VPS45: variants seen among roughly 807,000 people sequenced by gnomAD.
The protein encoded by VPS45 is vacuolar protein sorting 45 homolog.
A neutral mutation model predicts 75.9 loss-of-function variants in VPS45; 35 were observed. That is an observed-to-expected ratio of 0.46 (90% confidence interval 0.35 to 0.61). VPS45 has a LOEUF of 0.61. VPS45 is among the 20% of genes least tolerant of loss of function. The probability of loss-of-function intolerance (pLI) is 0.00; values close to 1 mark genes in which losing one functional copy is unlikely to be tolerated. For missense variants in VPS45, 559 were observed against 685.9 expected (o/e 0.81, Z 2.07); for synonymous variants, 220 against 238.2 (o/e 0.92, Z 0.70).
intron 7 of VPS45, among the ~76,000 whole-genome samples, chr1:150,080,149 G>T (rs1423675186): frequency 6.9e-5 from 10 of 145,428 alleles, no homozygotes; most frequent in African/African-American, 1.0e-4. Context: ...TTTGTTGTAC[G>T]TTTTTTTTTT....
At position 150,145,045 on chromosome 1, in the gene VPS45, T is replaced by A; in HGVS notation, c.*249T>A. On this transcript the variant is annotated 3_prime_UTR_variant, in exon 15 of 15. Transcript: ENST00000644510. Reference sequence around the variant, plus strand: ...GTATCTGTTAGCACAATCACTTCAGTTACTGATGAATTTTGTTGGGATCTG... The same window carrying A: ...GTATCTGTTAGCACAATCACTTCAGATACTGATGAATTTTGTTGGGATCTG... 1 of 969,192 alleles carries A rather than the reference T, an allele frequency of 1.0e-6. No homozygotes were observed. Among genetic ancestry groups the A allele is most frequent in the Non-Finnish European group, 1.5e-6 (1 of 667,460 alleles). 60.0% of individuals were successfully genotyped at this position (969,192 alleles called of 1,614,324 possible). A position where few individuals can be genotyped will look rare whatever the true frequency, so the allele number is the denominator to read the frequency against.
intron 12 of VPS45, among the ~76,000 whole-genome samples, chr1:150,093,081 T>C (rs2101569067): frequency 6.6e-6 from 1 of 152,012 alleles, no homozygotes; most frequent in African/African-American, 2.4e-5. Flanking sequence ...CTCCTGACCT[T>C]GTGATCTGCC....
intron 14 of VPS45, among the ~76,000 whole-genome samples, chr1:150,122,211 C>T (rs1658271272): frequency 6.6e-6 from 1 of 152,120 alleles, no homozygotes; most frequent in South Asian, 2.1e-4. Flanking sequence ...ATCCCAGCTA[C>T]ATGGGAGGCT....
At chr1:150,102,470 A>G (rs986771981) in intron 13 of VPS45, among the ~76,000 whole-genome samples, 4 of 150,784 alleles carry the variant, frequency 2.7e-5, no homozygotes, top group African/African-American at 9.8e-5. Flanking sequence ...GACTGCTTGA[A>G]CCTGGGAGGC....
chr1:150,088,893 C>T (rs1261655129), intron 10 of VPS45, among the ~76,000 whole-genome samples: 1 of 152,156 alleles, frequency 6.6e-6, no homozygotes, highest in African/African-American at 2.4e-5. Context: ...AGCTCTTCAA[C>T]ATACTGATTT....
intron 14 of VPS45, among the ~76,000 whole-genome samples, chr1:150,119,687 G>A (rs587648286): frequency 6.6e-6 from 1 of 152,300 alleles, no homozygotes. Flanking sequence ...CAATAAACAG[G>A]AAAGAAATGA....
In VPS45 at chr1:150,144,967, C is replaced by A; in HGVS notation, c.*171C>A. 6.6e-7 allele frequency: 1 copy of A among 1,521,972 alleles called. No homozygotes were observed. The allele number at this position is 1,521,972 out of a possible 1,614,324, so 94.3% of individuals were successfully genotyped here. ...ACAGACACAAGACTCCCAGAGTTGT[C>A]CTAACAATAAGTCTGAGCCCATCTC... On this transcript the variant is annotated 3_prime_UTR_variant, in exon 15 of 15. Coordinates refer to ENST00000644510, the MANE Select transcript of VPS45 (RefSeq NM_007259.5).
intron 2 of VPS45, among the ~76,000 whole-genome samples, chr1:150,071,628 A>G (rs1016417316): frequency 7.2e-5 from 11 of 152,180 alleles, no homozygotes; most frequent in African/African-American, 2.7e-4. Context: ...CTCTGCTACA[A>G]TTACAAAAAA....
intron 14 of VPS45, among the ~76,000 whole-genome samples, chr1:150,115,759 A>T (rs1012890746): frequency 6.6e-6 from 1 of 152,138 alleles, no homozygotes; most frequent in Admixed American, 6.5e-5. Context: ...GTGCAGATAG[A>T]TTTTTTTAGT....
At chr1:150,082,526 A>AT (rs1655774327) in intron 9 of VPS45, among the ~76,000 whole-genome samples, 190 bp from the exon 10 acceptor site, 1 of 151,576 alleles carries the variant, frequency 6.6e-6, no homozygotes. Flanking sequence ...AAAAAAAAAA[A>AT]AAACTCAGTC....
chr1:150,117,184 G>T (rs1011918747), intron 14 of VPS45, among the ~76,000 whole-genome samples: 4 of 145,770 alleles, frequency 2.7e-5, no homozygotes, highest in Non-Finnish European at 6.0e-5. Flanking sequence ...CTGGGCTACA[G>T]AGGGCGACTC....
rs1659604883 is a variant in VPS45, at chr1:150,145,053, G to A, written c.*257G>A. 1 of 916,006 alleles carries A rather than the reference G, an allele frequency of 1.1e-6. No individual in the cohort carries two copies. The highest frequency in any genetic ancestry group is 1.7e-5 in the African/African-American group (1 of 59,828). The allele number at this position is 916,006 out of a possible 1,614,324, so 56.7% of individuals were successfully genotyped here. ...TAGCACAATCACTTCAGTTACTGAT[G>A]AATTTTGTTGGGATCTGACTTGGGG... On this transcript the variant is annotated 3_prime_UTR_variant, in exon 15 of 15. Coordinates refer to ENST00000644510, the MANE Select transcript of VPS45 (RefSeq NM_007259.5).
chr1:150,070,575 G>A (rs1438895911), intron 2 of VPS45, among the ~76,000 whole-genome samples: 3 of 151,410 alleles, frequency 2.0e-5, no homozygotes, highest in African/African-American at 7.3e-5. Context: ...GGCGGATCAC[G>A]AGGTCAGGAG....
chr1:150,083,965 G>A (rs1292227200), intron 10 of VPS45, among the ~76,000 whole-genome samples: 1 of 152,078 alleles, frequency 6.6e-6, no homozygotes, highest in African/African-American at 2.4e-5. Context: ...ATTAGATAAT[G>A]TTTCAAGATG....
intron 14 of VPS45, among the ~76,000 whole-genome samples, chr1:150,136,123 C>T (rs1212899592): frequency 3.3e-5 from 5 of 150,852 alleles, no homozygotes; most frequent in Admixed American, 3.3e-4. Flanking sequence ...GTGGTGCATG[C>T]CTGTAATCCC....
At chr1:150,116,382 G>C (rs587759660) in intron 14 of VPS45, among the ~76,000 whole-genome samples, 1 of 152,302 alleles carries the variant, frequency 6.6e-6, no homozygotes, top group Non-Finnish European at 1.5e-5. Context: ...AGTAGATACT[G>C]TATGCTAGGC....
chr1:150,115,424 CTCA>C (rs1657880029), intron 14 of VPS45, among the ~76,000 whole-genome samples: 1 of 151,620 alleles, frequency 6.6e-6, no homozygotes, highest in African/African-American at 2.4e-5. Flanking sequence ...CTCTTTTTTT[CTCA>C]TGTTTTCAAA....
intron 14 of VPS45, among the ~76,000 whole-genome samples, chr1:150,117,688 A>G (rs782198099): frequency 1.3e-5 from 2 of 151,282 alleles, no homozygotes; most frequent in African/African-American, 2.4e-5. Context: ...GCGAAACTCC[A>G]TCTCTACCAA....
intron 14 of VPS45, among the ~76,000 whole-genome samples, chr1:150,136,671 C>G (rs1023232167): frequency 8.0e-5 from 12 of 149,628 alleles, no homozygotes; most frequent in African/African-American, 2.5e-4. Flanking sequence ...CACAGAGGAG[C>G]TGGTTTTTGA....
Sources: allele counts gnomAD v4.1 joint callset (sites outside exome capture counted in the v4.1 genomes callset), GRCh38; gene constraint gnomAD v4.1.1; transcripts MANE v1.5; gene names NCBI Gene and HGNC (gene_info 2026-07-23, HGNC 2026-07-21).